The following P2RY8 variants were observed in gnomAD, a reference collection of about 807,000 sequenced individuals.
P2RY8 encodes the protein S-geranylgeranyl-glutathione receptor P2RY8.
Under a neutral mutation model 10.0 loss-of-function variants are expected in P2RY8, and 6 were observed. The ratio of observed to expected loss-of-function variants is 0.60; its 90% CI spans 0.33 to 1.19. The LOEUF (loss-of-function observed/expected upper bound fraction) is 1.19. Ranked by LOEUF, P2RY8 falls within the 50% of genes most tolerant of loss-of-function variation. The pLI is 0.04. For synonymous variants in P2RY8, 276 were observed against 252.5 expected (o/e 1.09, Z -0.88); for missense variants, 456 against 542.0 (o/e 0.84, Z 1.58).
chrX:1,519,972 T>C (rs1208867820), intron 1 of P2RY8, among the ~76,000 whole-genome samples: 2 of 151,028 alleles, frequency 1.3e-5, no homozygotes, highest in Non-Finnish European at 3.0e-5. Flanking sequence ...GTCCCCAATA[T>C]TTTCTCTGAT....
intron 1 of P2RY8, among the ~76,000 whole-genome samples, chrX:1,529,495 A>G (rs1286457877): frequency 6.6e-6 from 1 of 151,978 alleles, no homozygotes; most frequent in African/African-American, 2.4e-5. Flanking sequence ...GGGTGTCACA[A>G]CTGGAGGGTG....
At chrX:1,505,066 A>G (rs757106441) in intron 1 of P2RY8, among the ~76,000 whole-genome samples, 1 of 142,604 alleles carries the variant, frequency 7.0e-6, no homozygotes, top group South Asian at 2.2e-4. Flanking sequence ...TGAACCCGGG[A>G]GGCAGAGGTT....
chrX:1,496,370 T>G (rs1331806053), intron 1 of P2RY8, among the ~76,000 whole-genome samples: 1 of 152,208 alleles, frequency 6.6e-6, no homozygotes, highest in Admixed American at 6.5e-5. Flanking sequence ...AGTGGCTGCC[T>G]GCCTTGGCGT....
intron 1 of P2RY8, among the ~76,000 whole-genome samples, chrX:1,524,651 A>G (rs1603458572): frequency 1.2e-5 from 1 of 82,526 alleles, no homozygotes; most frequent in East Asian, 3.7e-4. Context: ...CCATACATCC[A>G]TCCATCCATC....
chrX:1,472,686 G>A (rs2149377267), intron 1 of P2RY8, among the ~76,000 whole-genome samples: 1 of 95,178 alleles, frequency 1.1e-5, no homozygotes, highest in African/African-American at 4.4e-5. Flanking sequence ...ATGGATGGGT[G>A]GATGGGTGGG....
chrX:1,531,705 C>T (rs1210411073), intron 1 of P2RY8, among the ~76,000 whole-genome samples: 4 of 152,168 alleles, frequency 2.6e-5, no homozygotes, highest in Non-Finnish European at 4.4e-5. Context: ...CACAAAGTCC[C>T]TCTGCTCAGG....
chrX:1,478,973 G>T (rs1206647975), intron 1 of P2RY8, among the ~76,000 whole-genome samples: 1 of 152,020 alleles, frequency 6.6e-6, no homozygotes, highest in Admixed American at 6.6e-5. Context: ...CCACTTCCAG[G>T]TTCCCACATT....
intron 1 of P2RY8, among the ~76,000 whole-genome samples, chrX:1,504,513 T>A (rs1332604455): frequency 6.6e-6 from 1 of 152,102 alleles, no homozygotes; most frequent in Non-Finnish European, 1.5e-5. Flanking sequence ...ACCATAAGGA[T>A]CCCACGTGCT....
chrX:1,467,995 T>G (rs2091715153), intron 1 of P2RY8, among the ~76,000 whole-genome samples: 1 of 151,618 alleles, frequency 6.6e-6, no homozygotes, highest in South Asian at 2.1e-4. Flanking sequence ...TTTTTATTTT[T>G]TATAGATACA....
intron 1 of P2RY8, among the ~76,000 whole-genome samples, chrX:1,528,882 A>G (rs1157266135): frequency 6.6e-6 from 1 of 151,992 alleles, no homozygotes; most frequent in Non-Finnish European, 1.5e-5. Flanking sequence ...GTCTCTTTGA[A>G]TGAGTTGGAT....
intron 1 of P2RY8, among the ~76,000 whole-genome samples, chrX:1,503,851 T>A (rs1182372309): frequency 2.6e-5 from 4 of 151,172 alleles, no homozygotes; most frequent in African/African-American, 2.4e-5. Context: ...GCTGAGATCA[T>A]GCCACTGTAC....
At chrX:1,489,236 T>C (rs2092017601) in intron 1 of P2RY8, among the ~76,000 whole-genome samples, 1 of 147,592 alleles carries the variant, frequency 6.8e-6, no homozygotes, top group Non-Finnish European at 1.5e-5. Flanking sequence ...TACCCAGAGA[T>C]TCCCCACAAA....
intron 1 of P2RY8, among the ~76,000 whole-genome samples, chrX:1,521,919 T>C (rs1381582310): frequency 6.6e-6 from 1 of 150,772 alleles, no homozygotes; most frequent in East Asian, 2.0e-4. Flanking sequence ...TTTTTTCTTA[T>C]GTCTTTCTCT....
In P2RY8 at chrX:1,487,387, C is replaced by T. The variant is rs759888504; in HGVS notation, c.-24-20805G>A. The stretch of plus-strand genomic sequence containing the variant: ...GTTTGCAAACGTTTTTTTGTGCACC[C>T]GTCCTAGGAAGACGCGCTTATCATC... On this transcript the variant is annotated intron_variant, in intron 1 of 1. Coordinates refer to ENST00000381297, the MANE Select transcript of P2RY8 (RefSeq NM_178129.5). 3.3e-4 allele frequency among the ~76,000 whole-genome samples: 50 copies of T among 151,666 alleles called. 1 individual carries two copies. In the South Asian group the frequency reaches 9.7e-3, roughly 29 times the overall value.
chrX:1,533,637 C>G (rs1188850176), intron 1 of P2RY8, among the ~76,000 whole-genome samples: 9 of 117,098 alleles, frequency 7.7e-5, no homozygotes, highest in African/African-American at 3.1e-4. Context: ...TTATTATTTA[C>G]ATATTTATTA....
At chrX:1,499,477 T>C (rs1210869687) in intron 1 of P2RY8, among the ~76,000 whole-genome samples, 2 of 152,124 alleles carry the variant, frequency 1.3e-5, no homozygotes, top group African/African-American at 2.4e-5. Flanking sequence ...CCTGGCCTTT[T>C]CTTACGCATG....
chrX:1,469,659 AG>A (rs1213701873), intron 1 of P2RY8, among the ~76,000 whole-genome samples: 7 of 152,002 alleles, frequency 4.6e-5, no homozygotes, highest in Non-Finnish European at 1.0e-4. Flanking sequence ...TGGAAGGCCG[AG>A]GTGGGCAGAT....
At chrX:1,530,658 G>A (rs1156317355) in intron 1 of P2RY8, among the ~76,000 whole-genome samples, 2 of 149,638 alleles carry the variant, frequency 1.3e-5, no homozygotes, top group East Asian at 4.1e-4. Context: ...ATCTATCTAT[G>A]TATCTCTCTA....
chrX:1,466,179 T>A lies in P2RY8; in HGVS notation c.380A>T (p.Tyr127Phe). The A allele has an allele frequency of 2.5e-6, 4 of 1,612,352 alleles. No homozygotes were observed. The highest frequency in any genetic ancestry group is 3.4e-6 in the Non-Finnish European group (4 of 1,179,374). Residue 127 changes from tyrosine (Y) to phenylalanine (F), a missense_variant, in exon 2 of 2, where the codon TAC becomes TTC. Transcript: ENST00000381297. ...GCGCCAGCGCTTGGAGCTGAGCGGG[T>A]ACAGGACCCCCAGGAAGCGCTCCAC... ...ISVERFLGVL[Y>F]PLSSKRWRRR...
Sources: allele counts gnomAD v4.1 joint callset (sites outside exome capture counted in the v4.1 genomes callset), GRCh38; gene constraint gnomAD v4.1.1; transcripts MANE v1.5; gene names NCBI Gene and HGNC (gene_info 2026-07-23, HGNC 2026-07-21).